EXD3: variants seen among roughly 807,000 people sequenced by gnomAD.
EXD3 encodes the protein exonuclease mut-7 homolog.
Under a neutral mutation model 98.0 loss-of-function variants are expected in EXD3, and 92 were observed. The observed-to-expected ratio is 0.94, with a 90% confidence interval of 0.79 to 1.12. The LOEUF is 1.12. Ranked by LOEUF, EXD3 falls within the 50% of genes most tolerant of loss-of-function variation. The pLI is 0.00. For synonymous variants in EXD3, 569 were observed against 526.0 expected, an observed-to-expected ratio of 1.08 and a Z score of -1.12; for missense variants, 1,222 against 1,191.6, an observed-to-expected ratio of 1.03 and a Z score of -0.38.
intron 19 of EXD3, among the ~76,000 whole-genome samples, chr9:137,321,718 G>C (rs1033238008): frequency 1.3e-5 from 2 of 152,178 alleles, no homozygotes; most frequent in South Asian, 4.1e-4. Flanking sequence ...AACTGGGCTT[G>C]TTGGAGCAGC....
chr9:137,366,796 C>T (rs1363848951), intron 6 of EXD3, among the ~76,000 whole-genome samples, 164 bp from the exon 7 acceptor site: 2 of 152,230 alleles, frequency 1.3e-5, no homozygotes, highest in African/African-American at 2.4e-5. Context: ...CACACACACT[C>T]GCCCAAGGCT....
intron 7 of EXD3, 139 bp from the exon 8 acceptor site, chr9:137,356,507 C>A: frequency 1.6e-6 from 1 of 617,618 alleles, no homozygotes; most frequent in Non-Finnish European, 2.9e-6. Flanking sequence ...GTCACCGCCC[C>A]CCGCCCACCC....
At chr9:137,323,966 G>A in intron 18 of EXD3, 110 bp from the exon 19 acceptor site, 1 of 1,527,956 alleles carries the variant, frequency 6.5e-7, no homozygotes, top group Admixed American at 2.0e-5. Context: ...GCCCACCAGG[G>A]GTACGGCAGA....
rs1834103385 is a variant in EXD3, at chr9:137,349,001, C to T, written c.1830+109G>A. ...TCTCGCTCCAGGAGCTGGGCCCCCT[C>T]CACACGCTCTGACCCAGTGGCCTTG... is the stretch of plus-strand genomic sequence containing the variant. On this transcript the variant is annotated intron_variant, in intron 16 of 21. Transcript: ENST00000340951. The surrounding 1 kb of genome is among the most constrained non-coding windows in gnomAD (Gnocchi z 7.4). The T allele has an allele frequency of 7.6e-7, 1 of 1,322,332 alleles. No homozygotes were observed. Among genetic ancestry groups the T allele is most frequent in the South Asian group, 1.5e-5 (1 of 65,908 alleles). The allele number at this position is 1,322,332 out of a possible 1,614,324, so 81.9% of individuals were successfully genotyped here.
In EXD3 at chr9:137,373,617, C is replaced by T; in HGVS notation, c.121-18G>A. ...TCCCGGAGCTGTGGAGACACAAAAC[C>T]ACACTGGCACTTTGTCTTGCACTCA... On this transcript the variant is annotated intron_variant, in intron 3 of 21. Transcript: ENST00000340951. The T allele has an allele frequency of 6.3e-7, 1 of 1,583,784 alleles. No homozygotes were observed. Among genetic ancestry groups the T allele is most frequent in the Non-Finnish European group, 8.6e-7 (1 of 1,165,038 alleles).
chr9:137,358,029 C>G (rs1834880922), intron 7 of EXD3, among the ~76,000 whole-genome samples: 1 of 152,140 alleles, frequency 6.6e-6, no homozygotes, highest in Non-Finnish European at 1.5e-5. Flanking sequence ...GCGTCTGCCT[C>G]TCCCAGTCCA....
rs762182151 is a variant in EXD3, at chr9:137,393,285, C to T, written c.55+2018G>A. ...GCTGAGGCGAACCCAGGGTCCCATG[C>T]GCTCCCCGGCCCTGACGGCGGTCTC... On this transcript the variant is annotated intron_variant, in intron 2 of 21. Transcript: ENST00000340951. The surrounding 1 kb of genome is among the most constrained non-coding windows in gnomAD (Gnocchi z 4.6). 3.6e-5 allele frequency: 25 copies of T among 700,176 alleles called. No homozygotes were observed. Among genetic ancestry groups the T allele is most frequent in the South Asian group, 2.1e-4 (14 of 67,522 alleles). The allele number at this position is 700,176 out of a possible 1,614,324, so 43.4% of individuals were successfully genotyped here.
intron 19 of EXD3, among the ~76,000 whole-genome samples, chr9:137,314,280 C>T (rs1831519939): frequency 6.6e-6 from 1 of 152,242 alleles, no homozygotes. Context: ...GGTGACCCGA[C>T]ACTGTCCCCT....
chr9:137,333,130 C>T (rs193261079), intron 17 of EXD3, among the ~76,000 whole-genome samples: 21 of 152,266 alleles, frequency 1.4e-4, no homozygotes, highest in Middle Eastern at 3.4e-3. Flanking sequence ...ATCTTTCTCC[C>T]GTGCTGGATG....
At chr9:137,343,575 C>CTTTGTTTTT (rs1833760941) in intron 17 of EXD3, 1 of 56,586 alleles carries the variant, frequency 1.8e-5, no homozygotes, top group African/African-American at 7.9e-5. Flanking sequence ...ACTACTGTAT[C>CTTTGTTTTT]TTTTTTTTTT....
intron 1 of EXD3, among the ~76,000 whole-genome samples, chr9:137,401,152 CT>C (rs34114761): frequency 0.26 from 27,592 of 107,886 alleles, 2,501 homozygotes; most frequent in Middle Eastern, 0.3. Flanking sequence ...CACCCATTTC[CT>C]TTTTTTTTTT....
Position 137,324,375 on chromosome 9 carries a change from C to G in EXD3, c.1999-232G>C, listed in dbSNP as rs1302580043. On this transcript the variant is annotated intron_variant, in intron 17 of 21. Coordinates refer to ENST00000340951, the MANE Select transcript of EXD3 (RefSeq NM_017820.5). This position sits in a 1 kb window ranked among gnomAD's most constrained non-coding sequence, Gnocchi z 4.1. ...TGGCACCACGCAAACATTTTTTTTT[C>G]ATAATTAGAAACAAAATTGAATTTA... Among the ~76,000 whole-genome samples, 2 of 151,800 alleles carry G rather than the reference C, an allele frequency of 1.3e-5. No homozygotes were observed. The highest frequency in any genetic ancestry group is 4.8e-5 in the African/African-American group (2 of 41,312).
rs1406058318 is a variant in EXD3, at chr9:137,395,294, C to G, written c.55+9G>C. 6.2e-7 allele frequency: 1 copy of G among 1,612,862 alleles called. No individual in the cohort carries two copies. The highest frequency in any genetic ancestry group is 8.5e-7 in the Non-Finnish European group (1 of 1,179,378). ...CAGGGAGACTCGGCACCATCAGGCT[C>G]AGACTCACCCATGCGGTGGCGCTCG... On this transcript the variant is annotated intron_variant, in intron 2 of 21. Transcript: ENST00000340951. The surrounding 1 kb of genome is among the most constrained non-coding windows in gnomAD (Gnocchi z 6.5).
In EXD3 at chr9:137,351,489, C is replaced by G; in HGVS notation, c.1213G>C (p.Val405Leu). Reference protein sequence around the residue: ...VVGVDVEWTPVFVAGGRPRPS... With the variant: ...VVGVDVEWTPLFVAGGRPRPS... ...CGAGGCCGGCCCCCAGCAACAAACA[C>G]AGGTGTCCACTCCACGTCTACACCA... Residue 405 changes from valine to leucine, a missense_variant, in exon 13 of 22, where the codon GTG becomes CTG. Transcript: ENST00000340951. 1 of 1,597,958 alleles carries G rather than the reference C, an allele frequency of 6.3e-7. No homozygotes were observed. The highest frequency in any genetic ancestry group is 1.1e-5 in the South Asian group (1 of 88,716).
intron 20 of EXD3, 42 bp from the exon 21 acceptor site, chr9:137,307,688 G>A: frequency 2.5e-6 from 4 of 1,603,054 alleles, no homozygotes; most frequent in Non-Finnish European, 3.4e-6. Context: ...CTGTCCTAGG[G>A]ATGGGGCTTG....
intron 1 of EXD3, among the ~76,000 whole-genome samples, chr9:137,404,656 T>C (rs561675817): frequency 7.9e-5 from 12 of 152,028 alleles, no homozygotes; most frequent in African/African-American, 2.7e-4. Context: ...AGGTCGGGAG[T>C]TCGAGACCAG....
chr9:137,340,347 C>T (rs546213258), intron 17 of EXD3, among the ~76,000 whole-genome samples: 26 of 151,996 alleles, frequency 1.7e-4, no homozygotes, highest in East Asian at 3.9e-4. Context: ...TGTGGCGGTG[C>T]GTGCCTGTAA....
rs111546609 is a variant in EXD3 at position 137,355,534 on chromosome 9, A to T, written c.757+734T>A. Among the ~76,000 whole-genome samples, 34 of 82,012 alleles carry T rather than the reference A, an allele frequency of 4.1e-4. 1 individual carries two copies. Among genetic ancestry groups the T allele is most frequent in the Admixed American group, 8.5e-4 (7 of 8,230 alleles). The allele number at this position is 82,012 out of a possible 152,430, so 53.8% of individuals were successfully genotyped here. A position where few individuals can be genotyped will look rare whatever the true frequency, so the allele number is the denominator to read the frequency against. ...AGGAAGGAGGAAGGAGGATGGAGGAAGGAGGAAGGAGGAAGGAGGAAGGAG... is the reference window on the plus strand; with the variant it reads ...AGGAAGGAGGAAGGAGGATGGAGGATGGAGGAAGGAGGAAGGAGGAAGGAG... On this transcript the variant is annotated intron_variant, in intron 8 of 21. Coordinates refer to ENST00000340951, the MANE Select transcript of EXD3 (RefSeq NM_017820.5).
chr9:137,341,446 C>A (rs1833649803), intron 17 of EXD3, among the ~76,000 whole-genome samples: 1 of 152,242 alleles, frequency 6.6e-6, no homozygotes, highest in African/African-American at 2.4e-5. Context: ...TAATACACAG[C>A]AATGTCAGCA....
Sources: allele counts gnomAD v4.1 joint callset (sites outside exome capture counted in the v4.1 genomes callset), GRCh38; gene constraint gnomAD v4.1.1; non-coding constraint Gnocchi (gnomAD v3.1); transcripts MANE v1.5; gene names NCBI Gene and HGNC (gene_info 2026-07-23, HGNC 2026-07-21).